The following TTC39A variants were observed in gnomAD, a reference collection of about 807,000 sequenced individuals.
The protein encoded by TTC39A is tetratricopeptide repeat domain 39A, also known as tetratricopeptide repeat protein 39A.
TTC39A carries 46 observed loss-of-function variants against 82.3 expected under a neutral mutation model. The ratio of observed to expected loss-of-function variants is 0.56; its 90% confidence interval spans 0.44 to 0.71. The LOEUF (loss-of-function observed/expected upper bound fraction) is 0.71, where lower values mean the gene tolerates loss of function less well. Among genes scored for constraint, TTC39A ranks in the 30% least tolerant of loss-of-function variants. TTC39A has a pLI of 0.00. For synonymous variants in TTC39A, 254 were observed against 275.2 expected (o/e 0.92, Z 0.76); for missense variants, 543 against 712.9 (o/e 0.76, Z 2.71).
At position 51,290,634 on chromosome 1, in the gene TTC39A, A is replaced by G; in HGVS notation, c.1267-9T>C. 6.2e-7 allele frequency: 1 copy of G among 1,609,182 alleles called. No homozygotes were observed. Among genetic ancestry groups the G allele is most frequent in the East Asian group, 2.2e-5 (1 of 44,770 alleles). ...CAGATGTACATCATTTCCTGAAGGC[A>G]GGGGGGCAAGTCAGTCCTAGGTTTC... On this transcript the variant is annotated splice_polypyrimidine_tract_variant and intron_variant, in intron 14 of 17. Coordinates refer to ENST00000680483, the MANE Select transcript of TTC39A (RefSeq NM_001297663.2).
Position 51,330,537 on chromosome 1 carries a change from C to T in TTC39A, c.-60G>A, listed in dbSNP as rs1332246354. On this transcript the variant is annotated 5_prime_UTR_variant, in exon 1 of 18. Transcript: ENST00000680483. This position sits in a 1 kb window ranked among gnomAD's most constrained non-coding sequence, Gnocchi z 4.5. ...ACGCCAATCGCGGCCCAGGTGCTGC[C>T]GCCGCAACCCCGAGCCGGGCGCTGT... is the stretch of plus-strand genomic sequence containing the variant. 3.1e-6 allele frequency: 3 copies of T among 983,558 alleles called. No individual in the cohort carries two copies. Among genetic ancestry groups the T allele is most frequent in the African/African-American group, 1.8e-5 (1 of 56,782 alleles). 60.9% of individuals were successfully genotyped at this position (983,558 alleles called of 1,614,324 possible).
At chr1:51,306,917 T>A (rs957512428) in intron 6 of TTC39A, among the ~76,000 whole-genome samples, 2 of 131,534 alleles carry the variant, frequency 1.5e-5, no homozygotes, top group Admixed American at 1.9e-4. Flanking sequence ...AGGAGAAGAG[T>A]CCTTGGGCCT....
intron 2 of TTC39A, among the ~76,000 whole-genome samples, chr1:51,319,783 T>A (rs749869094): frequency 9.2e-5 from 14 of 151,582 alleles, no homozygotes; most frequent in African/African-American, 1.2e-4. Flanking sequence ...CTCCACCTCC[T>A]GGGTTCAAGC....
intron 7 of TTC39A, 42 bp from the exon 8 acceptor site, chr1:51,305,188 G>T: frequency 2.4e-5 from 38 of 1,599,274 alleles, no homozygotes; most frequent in Non-Finnish European, 3.1e-5. Flanking sequence ...GGTACCCAGA[G>T]TGGGCAGGGG....
intron 16 of TTC39A, 46 bp downstream of exon 16, chr1:51,289,945 GCCCTGAATATTCTA>G: frequency 7.0e-7 from 1 of 1,426,254 alleles, no homozygotes; most frequent in South Asian, 1.3e-5. Context: ...GGATGGAGAA[GCCCTGAATATTCTA>G]CCCAGGAGAC....
Position 51,305,202 on chromosome 1 carries a change from C to A in TTC39A, c.589-56G>T. 2.0e-6 allele frequency: 3 copies of A among 1,532,856 alleles called. No homozygotes were observed. The East Asian group carries it at 6.8e-5, about 35-fold the overall frequency. 95.0% of individuals were successfully genotyped at this position (1,532,856 alleles called of 1,614,324 possible). A position where few individuals can be genotyped will look rare whatever the true frequency, so the allele number is the denominator to read the frequency against. ...AGGTACCCAGAGTGGGCAGGGGCCA[C>A]CCCCACTGTCCCAAGTCTAGCTCTT... On this transcript the variant is annotated intron_variant, in intron 7 of 17. Coordinates refer to ENST00000680483, the MANE Select transcript of TTC39A (RefSeq NM_001297663.2).
rs1211790423 is a variant in TTC39A at position 51,294,784 on chromosome 1, G to A, written c.1146-273C>T. ...AGATGAGAGTGTGCCAAACACCCCT[G>A]GGCCGGCCCTGCCTCCTAGTTATCG... is the stretch of plus-strand genomic sequence containing the variant. On this transcript the variant is annotated intron_variant, in intron 13 of 17. Coordinates refer to ENST00000680483, the MANE Select transcript of TTC39A (RefSeq NM_001297663.2). This position sits in a 1 kb window ranked among gnomAD's most constrained non-coding sequence, Gnocchi z 4.3. Among the ~76,000 whole-genome samples, 3 of 152,190 alleles carry A rather than the reference G, an allele frequency of 2.0e-5. No homozygotes were observed. Among genetic ancestry groups the A allele is most frequent in the Admixed American group, 2.0e-4 (3 of 15,290 alleles).
chr1:51,330,104 T>C lies in TTC39A; in HGVS notation c.41+333A>G. On this transcript the variant is annotated intron_variant, in intron 1 of 17. Coordinates refer to ENST00000680483, the MANE Select transcript of TTC39A (RefSeq NM_001297663.2). This position sits in a 1 kb window ranked among gnomAD's most constrained non-coding sequence, Gnocchi z 4.5. The stretch of plus-strand genomic sequence containing the variant: ...TCAGTTTCCTCATCTGTAATGGGGA[T>C]GAGAGTAACAGGGCCCACCCCACAG... The C allele has an allele frequency of 1.0e-6, 1 of 972,528 alleles. No homozygotes were observed. Among genetic ancestry groups the C allele is most frequent in the Non-Finnish European group, 1.2e-6 (1 of 818,272 alleles). 60.2% of individuals were successfully genotyped at this position (972,528 alleles called of 1,614,324 possible).
chr1:51,304,898 C>A (rs1477313310), intron 8 of TTC39A, among the ~76,000 whole-genome samples, 183 bp downstream of exon 8: 2 of 152,180 alleles, frequency 1.3e-5, no homozygotes, highest in Non-Finnish European at 2.9e-5. Flanking sequence ...GGATCACTAG[C>A]CCCATTTGTC....
At chr1:51,327,027 G>A (rs1645736953) in intron 1 of TTC39A, among the ~76,000 whole-genome samples, 2 of 152,226 alleles carry the variant, frequency 1.3e-5, no homozygotes, top group Admixed American at 6.5e-5. Context: ...GAGCTAGAGG[G>A]TGGGAGGGGG....
chr1:51,302,192 T>G (rs1197185356), intron 11 of TTC39A, 165 bp downstream of exon 11: 5 of 879,486 alleles, frequency 5.7e-6, no homozygotes, highest in Non-Finnish European at 7.5e-6. Flanking sequence ...CAGGCTGCTC[T>G]GCCAGAAGGG....
In TTC39A at chr1:51,288,499, TG is replaced by T; in HGVS notation, c.1611-220del. Reference sequence around the variant, plus strand: ...CCACTGGAACCACTCCTGGTCCTCCTGGGTTCCTAAGCTTGAAGGGGTGGTT... The same window carrying T: ...CCACTGGAACCACTCCTGGTCCTCCTGGTTCCTAAGCTTGAAGGGGTGGTT... On this transcript the variant is annotated intron_variant, in intron 17 of 17. Transcript: ENST00000680483. This position sits in a 1 kb window ranked among gnomAD's most constrained non-coding sequence, Gnocchi z 4.8. Among the ~76,000 whole-genome samples, 2 of 152,254 alleles carry T rather than the reference TG, an allele frequency of 1.3e-5. No homozygotes were observed. Among genetic ancestry groups the T allele is most frequent in the Middle Eastern group, 6.8e-3 (2 of 294 alleles).
At position 51,287,770 on chromosome 1, in the gene TTC39A, C is replaced by G. The variant is rs909888299; in HGVS notation, c.*387G>C. 6.3e-5 allele frequency: 11 copies of G among 174,366 alleles called. No individual in the cohort carries two copies. Among genetic ancestry groups the G allele is most frequent in the African/African-American group, 2.6e-4 (11 of 42,806 alleles). 10.8% of individuals were successfully genotyped at this position (174,366 alleles called of 1,614,324 possible). A position where few individuals can be genotyped will look rare whatever the true frequency, so the allele number is the denominator to read the frequency against. The stretch of plus-strand genomic sequence containing the variant: ...GGCATCATCATATAAAGAGATTTAC[C>G]TCCAGATGATAATAGGTGAAGACAA... On this transcript the variant is annotated 3_prime_UTR_variant, in exon 18 of 18. Transcript: ENST00000680483.
intron 1 of TTC39A, among the ~76,000 whole-genome samples, chr1:51,327,785 C>A (rs1299888785): frequency 6.6e-6 from 1 of 151,776 alleles, no homozygotes; most frequent in East Asian, 1.9e-4. Context: ...CAACCTCCGC[C>A]TCCCGGGTTC....
At chr1:51,309,350 GC>G in intron 5 of TTC39A, 25 bp from the exon 6 acceptor site, 1 of 1,612,630 alleles carries the variant, frequency 6.2e-7, no homozygotes, top group Non-Finnish European at 8.5e-7. Context: ...GATGCTGACG[GC>G]CTGGCCCAGG....
chr1:51,294,269 C>T lies in TTC39A; in HGVS notation c.1266+122G>A. 2.7e-6 allele frequency: 4 copies of T among 1,482,438 alleles called. No homozygotes were observed. Among genetic ancestry groups the T allele is most frequent in the South Asian group, 2.6e-5 (2 of 76,064 alleles). The allele number at this position is 1,482,438 out of a possible 1,614,324, so 91.8% of individuals were successfully genotyped here. ...AGACTCCCAGGTGAATTGTGAAACCCTCCCCAGGCCCCTGAGGCATGAAGG... is the reference window on the plus strand; with the variant it reads ...AGACTCCCAGGTGAATTGTGAAACCTTCCCCAGGCCCCTGAGGCATGAAGG... On this transcript the variant is annotated intron_variant, in intron 14 of 17. Coordinates refer to ENST00000680483, the MANE Select transcript of TTC39A (RefSeq NM_001297663.2). This position sits in a 1 kb window ranked among gnomAD's most constrained non-coding sequence, Gnocchi z 4.3.
At chr1:51,336,261 G>T (rs77021332), upstream of TTC39A, among the ~76,000 whole-genome samples, 2,671 of 152,282 alleles carry the variant, frequency 0.018, 84 homozygotes, top group African/African-American at 0.062. Flanking sequence ...TCTGGCAAGG[G>T]CCCCTAAGGA....
intron 13 of TTC39A, 137 bp downstream of exon 13, chr1:51,295,942 G>C (rs1644401481): frequency 1.1e-6 from 1 of 873,030 alleles, no homozygotes; most frequent in African/African-American, 1.7e-5. Flanking sequence ...AGGGGGGGCA[G>C]TCCGCGGGTG....
At chr1:51,332,886 T>C (rs947647532), upstream of TTC39A, among the ~76,000 whole-genome samples, 1 of 152,168 alleles carries the variant, frequency 6.6e-6, no homozygotes, top group Non-Finnish European at 1.5e-5. Context: ...CTTTGTTTCA[T>C]GCACAAAATT....
Sources: allele counts gnomAD v4.1 joint callset (sites outside exome capture counted in the v4.1 genomes callset), GRCh38; gene constraint gnomAD v4.1.1; non-coding constraint Gnocchi (gnomAD v3.1); transcripts MANE v1.5; gene names NCBI Gene and HGNC (gene_info 2026-07-23, HGNC 2026-07-21).